Variants in RABGAP1 observed in about 807,000 individuals in gnomAD.
The protein encoded by RABGAP1 is RAB GTPase activating protein 1.
Under a neutral mutation model 137.6 loss-of-function variants are expected in RABGAP1, and 23 were observed. That is an observed-to-expected ratio of 0.17 (90% CI 0.12 to 0.24). The LOEUF (loss-of-function observed/expected upper bound fraction) is 0.24. RABGAP1 is among the 10% of genes least tolerant of loss of function. The probability of loss-of-function intolerance (pLI) is 1.00; values close to 1 mark genes in which losing one functional copy is unlikely to be tolerated. For synonymous variants in RABGAP1, 451 were observed against 450.7 expected (o/e 1.00, Z -0.01); for missense variants, 906 against 1,275.8 (o/e 0.71, Z 4.42).
chr9:123,057,473 C>T (rs374083741), intron 13 of RABGAP1, among the ~76,000 whole-genome samples: 161 of 151,566 alleles, frequency 1.1e-3, no homozygotes, highest in East Asian at 0.01. Flanking sequence ...GGCAGAGATG[C>T]TCCTCACTTC....
chr9:123,104,099 C>G lies in RABGAP1; in HGVS notation c.*886C>G, dbSNP rs1278109383. Reference sequence around the variant, plus strand: ...TGCACAATTTAATTATGTGGTTATTCGAGCACTTAATTTCACTCAAGGTTC... The same window carrying G: ...TGCACAATTTAATTATGTGGTTATTGGAGCACTTAATTTCACTCAAGGTTC... On this transcript the variant is annotated 3_prime_UTR_variant, in exon 26 of 26. Transcript: ENST00000373647. 6.6e-6 allele frequency: 1 copy of G among 152,246 alleles called. No homozygotes were observed. The highest frequency in any genetic ancestry group is 2.4e-5 in the African/African-American group (1 of 41,318). 9.4% of individuals were successfully genotyped at this position (152,246 alleles called of 1,614,324 possible).
chr9:123,097,947 C>T (rs1285371024), intron 22 of RABGAP1, 102 bp downstream of exon 22: 3 of 921,432 alleles, frequency 3.3e-6, no homozygotes, highest in Non-Finnish European at 4.9e-6. Context: ...AGACATCTGG[C>T]TTCAGTTTCT....
intron 7 of RABGAP1, 148 bp downstream of exon 7, chr9:122,996,299 A>G (rs1252933488): frequency 7.5e-7 from 1 of 1,342,258 alleles, no homozygotes; most frequent in Non-Finnish European, 9.8e-7. Context: ...GTGCTTCATT[A>G]CTTTGAAATA....
intron 10 of RABGAP1, among the ~76,000 whole-genome samples, chr9:123,000,199 G>A (rs1363957187): frequency 3.9e-5 from 6 of 151,948 alleles, no homozygotes; most frequent in Non-Finnish European, 5.9e-5. Context: ...CTTAAGTGAT[G>A]CATTGTAGAG....
chr9:122,989,745 C>T (rs1836565073), intron 5 of RABGAP1: 1 of 516,122 alleles, frequency 1.9e-6, no homozygotes, highest in African/African-American at 1.9e-5. Flanking sequence ...GACAGATTTG[C>T]AAACCATTCT....
chr9:123,020,210 C>T (rs1224109362), intron 12 of RABGAP1, 99 bp from the exon 13 acceptor site: 3 of 1,084,696 alleles, frequency 2.8e-6, no homozygotes, highest in East Asian at 2.7e-5. Flanking sequence ...TACCTTGTCA[C>T]GTATTTGTAA....
intron 13 of RABGAP1, among the ~76,000 whole-genome samples, chr9:123,026,349 G>A (rs2031968833): frequency 6.6e-6 from 1 of 151,948 alleles, no homozygotes; most frequent in Non-Finnish European, 1.5e-5. Context: ...TAATTTAAGT[G>A]GTTTCCTTCT....
chr9:123,043,900 C>CTTT (rs1186243080), intron 13 of RABGAP1, among the ~76,000 whole-genome samples: 17 of 129,426 alleles, frequency 1.3e-4, no homozygotes, highest in Admixed American at 5.4e-4. Flanking sequence ...GTATTATTTT[C>CTTT]TTTTTTTTTT....
intron 21 of RABGAP1, 89 bp from the exon 22 acceptor site, chr9:123,097,652 A>G (rs2035223050): frequency 9.0e-7 from 1 of 1,106,824 alleles, no homozygotes; most frequent in Non-Finnish European, 1.3e-6. Flanking sequence ...GAGTTTCCCC[A>G]TCATCTTAAA....
chr9:123,044,872 C>T (rs2033137242), intron 13 of RABGAP1, among the ~76,000 whole-genome samples: 1 of 152,106 alleles, frequency 6.6e-6, no homozygotes, highest in African/African-American at 2.4e-5. Context: ...AGACCCCCTC[C>T]TTGAATGAGA....
At chr9:122,975,560 T>C (rs1195189868) in intron 2 of RABGAP1, among the ~76,000 whole-genome samples, 1 of 152,222 alleles carries the variant, frequency 6.6e-6, no homozygotes, top group Non-Finnish European at 1.5e-5. Flanking sequence ...AGGTGTGTTC[T>C]TAGAGTTTCT....
At chr9:122,934,080 TC>T in the RABGAP1 span, among the ~76,000 whole-genome samples, 45 of 149,280 alleles carry the variant, frequency 3.0e-4, no homozygotes, top group African/African-American at 9.0e-4. Flanking sequence ...TCTTTTCTTT[TC>T]TTTTTTTTTT....
intron 13 of RABGAP1, chr9:123,020,959 A>G: frequency 1.2e-6 from 1 of 864,680 alleles, no homozygotes; most frequent in Non-Finnish European, 1.4e-6. Flanking sequence ...TGCATTCCTC[A>G]AAGTTTTGCA....
intron 13 of RABGAP1, among the ~76,000 whole-genome samples, chr9:123,042,818 T>G (rs1408596173): frequency 6.6e-6 from 1 of 152,192 alleles, no homozygotes; most frequent in African/African-American, 2.4e-5. Context: ...GTTTTCATAA[T>G]GAAAAGGCCC....
chr9:122,968,200 T>TAG (rs1835275452), intron 2 of RABGAP1, among the ~76,000 whole-genome samples: 1 of 151,314 alleles, frequency 6.6e-6, no homozygotes, highest in Non-Finnish European at 1.5e-5. Flanking sequence ...TTCTTTGTGT[T>TAG]ACAAACAATT....
chr9:122,984,391 A>G, intron 2 of RABGAP1, 94 bp from the exon 3 acceptor site: 2 of 1,011,456 alleles, frequency 2.0e-6, no homozygotes, highest in Middle Eastern at 2.1e-4. Context: ...TATCAAAAGA[A>G]ATGCTAATGA....
chr9:123,080,182 CT>C (rs199561977), intron 19 of RABGAP1, among the ~76,000 whole-genome samples: 1 of 151,700 alleles, frequency 6.6e-6, no homozygotes, highest in Non-Finnish European at 1.5e-5. Flanking sequence ...TATCTAATGT[CT>C]TTTTTTTTCT....
intron 15 of RABGAP1, among the ~76,000 whole-genome samples, chr9:123,072,722 A>G (rs777976707): frequency 6.6e-6 from 1 of 152,122 alleles, no homozygotes; most frequent in Non-Finnish European, 1.5e-5. Flanking sequence ...TGCTTTTCTC[A>G]CTTATTACTT....
chr9:122,965,824 T>G (rs1023763074), intron 2 of RABGAP1, among the ~76,000 whole-genome samples: 1 of 152,236 alleles, frequency 6.6e-6, no homozygotes, highest in African/African-American at 2.4e-5. Context: ...AATAAGTCTT[T>G]TCTAAAAAGC....
Sources: allele counts gnomAD v4.1 joint callset (sites outside exome capture counted in the v4.1 genomes callset), GRCh38; gene constraint gnomAD v4.1.1; transcripts MANE v1.5; gene names NCBI Gene and HGNC (gene_info 2026-07-23, HGNC 2026-07-21).